The following TUT1 variants were observed in gnomAD, a reference collection of about 807,000 sequenced individuals.
TUT1 encodes terminal uridylyl transferase 1, U6 snRNA-specific.
A neutral mutation model predicts 48.8 loss-of-function variants in TUT1; 26 were observed. That is an observed-to-expected ratio of 0.53 (90% CI 0.39 to 0.74). TUT1 has a LOEUF of 0.74. Ranked by LOEUF, TUT1 falls within the 30% of genes least tolerant of loss-of-function variation. The pLI, the probability that TUT1 is intolerant of heterozygous loss-of-function variation, is 0.00. For missense variants in TUT1, 1,065 were observed against 1,114.8 expected, an observed-to-expected ratio of 0.96 and a Z score of 0.64; for synonymous variants, 470 against 460.8, an observed-to-expected ratio of 1.02 and a Z score of -0.26.
At chr11:62,586,789 G>A (rs577948031) in intron 2 of TUT1, among the ~76,000 whole-genome samples, 3 of 151,590 alleles carry the variant, frequency 2.0e-5, no homozygotes, top group African/African-American at 7.2e-5. Context: ...GGTGGCACGC[G>A]CCTGCAGTCC....
In TUT1 at chr11:62,576,912, T is replaced by C; in HGVS notation, c.1376A>G (p.Lys459Arg). ...GTGGAGGCTAGGCCGAGTACCTGCT[T>C]TCTGGGTGAGCTGGGACACAGTGGG... ...VLPTVSQLTQ[K>R]AGEGEQVEVD... Residue 459 changes from lysine to arginine, a missense_variant, in exon 7 of 9, where the codon AAA becomes AGA. By Grantham distance (26) the Lys-to-Arg change is conservative. Coordinates refer to ENST00000476907, the MANE Select transcript of TUT1 (RefSeq NM_022830.3). The C allele has an allele frequency of 6.2e-7, 1 of 1,613,972 alleles. No individual in the cohort carries two copies. The highest frequency in any genetic ancestry group is 8.5e-7 in the Non-Finnish European group (1 of 1,179,942).
In TUT1 at chr11:62,578,947, T is replaced by A. The variant is rs2134305924; in HGVS notation, c.774A>T (p.Pro258=). 1 of 1,553,438 alleles carries A rather than the reference T, an allele frequency of 6.4e-7. No homozygotes were observed. Among genetic ancestry groups the A allele is most frequent in the Admixed American group, 1.9e-5 (1 of 52,240 alleles). The change falls in exon 5 of 9, where the codon CCA becomes CCT. Residue 258 remains proline, a synonymous_variant. Transcript: ENST00000476907. The part of the protein sequence containing the change: ...PLDPQALACT[P]ASPPDSQPPA... ...GAGGTTGTGAATCTGGAGGGGAAGC[T>A]GGGGTGCAGGCCAGGGCTTGAGGGT...
At position 62,575,844 on chromosome 11, in the gene TUT1, C is replaced by T. The variant is rs1446665822; in HGVS notation, c.1875G>A (p.Gln625=). 1 of 1,614,092 alleles carries T rather than the reference C, an allele frequency of 6.2e-7. No homozygotes were observed. The highest frequency in any genetic ancestry group is 8.5e-7 in the Non-Finnish European group (1 of 1,180,054). ...PFTQLTAALV[Q]VFREALGCHI... ...GGCACCCCAGTGCTTCCCTGAATACCTGCACCAGGGCAGCAGTGAGCTGGG... is the reference window on the plus strand; with the variant it reads ...GGCACCCCAGTGCTTCCCTGAATACTTGCACCAGGGCAGCAGTGAGCTGGG... The change falls in exon 9 of 9, where the codon CAG becomes CAA. Residue 625 remains glutamine, a synonymous_variant. Coordinates refer to ENST00000476907, the MANE Select transcript of TUT1 (RefSeq NM_022830.3).
chr11:62,588,976 G>A (rs1281361787), intron 2 of TUT1, 55 bp downstream of exon 2: 9 of 1,534,272 alleles, frequency 5.9e-6, no homozygotes, highest in African/African-American at 4.1e-5. Context: ...TTACAGGCGT[G>A]AGCCATCGCG....
chr11:62,575,401 C>A lies in TUT1; in HGVS notation c.2318G>T (p.Arg773Leu), dbSNP rs1193959999. ...GGCTCGCCGCCGCCCTTGCCACACTCGGTGCCACAAGGCACAGCGCCAGCT... is the reference window on the plus strand; with the variant it reads ...GGCTCGCCGCCGCCCTTGCCACACTAGGTGCCACAAGGCACAGCGCCAGCT... ...SASWRCALWH[R>L]VWQGRRRARR... The change falls in exon 9 of 9, where the codon CGA becomes CTA. Residue 773 changes from arginine to leucine, a missense_variant. Coordinates refer to ENST00000476907, the MANE Select transcript of TUT1 (RefSeq NM_022830.3). 6.2e-7 allele frequency: 1 copy of A among 1,612,238 alleles called. No homozygotes were observed. The highest frequency in any genetic ancestry group is 2.2e-5 in the East Asian group (1 of 44,882).
At chr11:62,581,726 G>C in intron 2 of TUT1, 25 bp from the exon 3 acceptor site, 3 of 1,398,310 alleles carry the variant, frequency 2.1e-6, no homozygotes, top group Non-Finnish European at 2.8e-6. Context: ...GGGCAGAGAT[G>C]ATGATTTTGG....
At position 62,577,201 on chromosome 11, in the gene TUT1, A is replaced by G. The variant is rs1001134790; in HGVS notation, c.1251T>C (p.Ala417=). The G allele has an allele frequency of 6.8e-6, 11 of 1,609,474 alleles. No homozygotes were observed. Among genetic ancestry groups the G allele is most frequent in the Non-Finnish European group, 9.3e-6 (11 of 1,178,630 alleles). The change falls in exon 6 of 9, where the codon GCT becomes GCC. Residue 417 remains alanine (A), a synonymous_variant. Transcript: ENST00000476907. ...RPLVYTLRCW[A]QGRGLSGSGP... is the part of the protein sequence containing the mutation. ...TCTCACCTGACAGCCCCCGACCCTG[A>G]GCCCAGCAGCGGAGGGTGTACACGA...
rs754811825 is a variant in TUT1 at position 62,581,615 on chromosome 11, G to A, written c.360C>T (p.Arg120=). 1 of 1,587,288 alleles carries A rather than the reference G, an allele frequency of 6.3e-7. No individual in the cohort carries two copies. Among genetic ancestry groups the A allele is most frequent in the African/African-American group, 1.3e-5 (1 of 74,110 alleles). Residue 120 remains arginine, a synonymous_variant, in exon 3 of 9, where the codon CGC becomes CGT. Coordinates refer to ENST00000476907, the MANE Select transcript of TUT1 (RefSeq NM_022830.3). The part of the protein sequence containing the change: ...SQSQHSLGGH[R]LRVRPREQKE... ...TCTGCTCCCGTGGGCGGACACGCAG[G>A]CGATGTCCTCCCAGGCTGTGCTGGG...
At chr11:62,585,558 G>A (rs1359639205) in intron 2 of TUT1, among the ~76,000 whole-genome samples, 5 of 152,182 alleles carry the variant, frequency 3.3e-5, no homozygotes, top group East Asian at 3.9e-4. Flanking sequence ...TCAGCTGGGC[G>A]TGGTAGCTCA....
rs751878767 is a variant in TUT1 at position 62,581,196 on chromosome 11, G to C, written c.600C>G (p.Val200=). 1 of 1,613,956 alleles carries C rather than the reference G, an allele frequency of 6.2e-7. No homozygotes were observed. The highest frequency in any genetic ancestry group is 1.3e-5 in the African/African-American group (1 of 74,910). ...VFTEFFPGCV[V]HPFGSSINSF... ...TATTTATGGAAGAGCCAAAAGGGTGGACCACACAGCCTGGGTGCCGAGCAG... is the reference window on the plus strand; with the variant it reads ...TATTTATGGAAGAGCCAAAAGGGTGCACCACACAGCCTGGGTGCCGAGCAG... The change falls in exon 4 of 9, where the codon GTC becomes GTG. Residue 200 remains valine, a synonymous_variant. Coordinates refer to ENST00000476907, the MANE Select transcript of TUT1 (RefSeq NM_022830.3).
Position 62,575,784 on chromosome 11 carries a change from T to A in TUT1, c.1935A>T (p.Glu645Asp). The change falls in exon 9 of 9, where the codon GAA (glutamate) becomes GAT (aspartate). Residue 645 changes from glutamate (E) to aspartate (D), a missense_variant. By Grantham distance (45) the Glu-to-Asp change is conservative. Transcript: ENST00000476907. Reference protein sequence around the residue: ...IEQATKRTRSEGGGTGESSQG... With the variant: ...IEQATKRTRSDGGGTGESSQG... ...GAGAGGACTCCCCAGTTCCACCTCC[T>A]TCTGACCGCGTTCTCTTGGTTGCCT... 6.2e-7 allele frequency: 1 copy of A among 1,614,162 alleles called. No individual in the cohort carries two copies. The highest frequency in any genetic ancestry group is 8.5e-7 in the Non-Finnish European group (1 of 1,180,036).
At chr11:62,581,256 G>T in intron 3 of TUT1, 50 bp from the exon 4 acceptor site, 1 of 1,592,114 alleles carries the variant, frequency 6.3e-7, no homozygotes, top group Non-Finnish European at 8.6e-7. Context: ...GGAGGAGCAG[G>T]GGGAAGAACA....
intron 2 of TUT1, chr11:62,582,586 C>T (rs901056294): frequency 8.8e-6 from 4 of 455,224 alleles, no homozygotes; most frequent in Admixed American, 2.4e-5. Context: ...TGAGAGACAG[C>T]GAGACCCTGT....
chr11:62,581,888 G>A (rs559087269), intron 2 of TUT1, among the ~76,000 whole-genome samples, 187 bp from the exon 3 acceptor site: 1 of 152,246 alleles, frequency 6.6e-6, no homozygotes, highest in African/African-American at 2.4e-5. Flanking sequence ...ACTCATGCCT[G>A]TAATCCCAGC....
At position 62,591,438 on chromosome 11, in the gene TUT1, G is replaced by A. The variant is rs1942012525; in HGVS notation, c.48C>T (p.Phe16=). 1 of 1,606,026 alleles carries A rather than the reference G, an allele frequency of 6.2e-7. No individual in the cohort carries two copies. The highest frequency in any genetic ancestry group is 8.5e-7 in the Non-Finnish European group (1 of 1,176,350). The stretch of plus-strand genomic sequence containing the variant: ...TAGTAACGTGGCAGAGGCAGCAGCG[G>A]AACCCCCCACGCGGCAGCGATTCGA... ...SDVESLPRGG[F]RCCLCHVTTA... Residue 16 remains phenylalanine, a synonymous_variant, in exon 1 of 9, where the codon TTC becomes TTT. Transcript: ENST00000476907.
At position 62,575,895 on chromosome 11, in the gene TUT1, C is replaced by G. The variant is rs149885942; in HGVS notation, c.1824G>C (p.Pro608=). ...SSPSSLLSAT[P]IPLPLAPFTQ... is the part of the protein sequence containing the mutation. ...TGAAGGGTGCAAGGGGTAAAGGGAT[C>G]GGCGTAGCAGAGAGCAGGGAGCTGG... is the stretch of plus-strand genomic sequence containing the variant. The change falls in exon 9 of 9, where the codon CCG becomes CCC. Residue 608 remains proline, a synonymous_variant. Transcript: ENST00000476907. The G allele has an allele frequency of 1.2e-6, 2 of 1,613,968 alleles. No homozygotes were observed. Among genetic ancestry groups the G allele is most frequent in the African/African-American group, 1.3e-5 (1 of 74,906 alleles).
intron 1 of TUT1, 120 bp downstream of exon 1, chr11:62,591,279 GGAGGT>G: frequency 7.2e-7 from 1 of 1,394,018 alleles, no homozygotes; most frequent in Non-Finnish European, 9.3e-7. Flanking sequence ...AGAGAAAAAC[GGAGGT>G]GAGAGACCCT....
At chr11:62,580,786 T>A (rs1032013175) in intron 4 of TUT1, among the ~76,000 whole-genome samples, 3 of 151,674 alleles carry the variant, frequency 2.0e-5, no homozygotes, top group Non-Finnish European at 2.9e-5. Context: ...ATTTTTTTTT[T>A]AGTAGAGATG....
At position 62,575,729 on chromosome 11, in the gene TUT1, C is replaced by G. The variant is rs745565433; in HGVS notation, c.1990G>C (p.Asp664His). The G allele has an allele frequency of 3.1e-6, 5 of 1,614,168 alleles. No individual in the cohort carries two copies. The highest frequency in any genetic ancestry group is 4.2e-6 in the Non-Finnish European group (5 of 1,179,990). Residue 664 changes from aspartate to histidine, a missense_variant, in exon 9 of 9, where the codon GAT (aspartate) becomes CAT (histidine). Physicochemically the swap from Asp to His is moderately conservative, Grantham distance 81. Coordinates refer to ENST00000476907, the MANE Select transcript of TUT1 (RefSeq NM_022830.3). ...QGGTSKRLKV[D>H]GQKNCCEEGK... ...TCCTCACAGCAGTTTTTCTGTCCAT[C>G]TACTTTGAGTCTTTTGCTTGTCCCT...
Sources: gnomAD v4.1 joint callset for allele counts (sites outside exome capture counted in the v4.1 genomes callset) on GRCh38, gnomAD v4.1.1 for gene constraint, MANE v1.5 for transcripts, NCBI Gene and HGNC (gene_info 2026-07-23, HGNC 2026-07-21) for gene names.